The following SYT5 variants were observed in gnomAD, a reference collection of about 807,000 sequenced individuals.
The protein encoded by SYT5 is synaptotagmin 5, also known as synaptotagmin-5.
Under a neutral mutation model 36.0 loss-of-function variants are expected in SYT5, and 29 were observed. That is an observed-to-expected ratio of 0.81 (90% CI 0.60 to 1.10). The LOEUF (loss-of-function observed/expected upper bound fraction) is 1.10. Ranked by LOEUF, SYT5 falls within the 50% of genes least tolerant of loss-of-function variation. The pLI, the probability that SYT5 is intolerant of heterozygous loss-of-function variation, is 0.00. For synonymous variants in SYT5, 231 were observed against 227.6 expected (o/e 1.02, Z -0.14); for missense variants, 512 against 516.0 (o/e 0.99, Z 0.08).
intron 2 of SYT5, among the ~76,000 whole-genome samples, chr19:55,178,753 A>ATTTTTTTTTTTTTTTTTTTTTTT (rs5828614): frequency 2.0e-5 from 1 of 50,472 alleles, no homozygotes; most frequent in African/African-American, 9.7e-5. Context: ...TCCGGTTTCG[A>ATTTTTTTTTTTTTTTTTTTTTTT]TTTTTTTTTT....
Position 55,173,942 on chromosome 19 carries a change from G to A in SYT5, c.961-258C>T. On this transcript the variant is annotated intron_variant, in intron 8 of 8. Transcript: ENST00000354308. This position sits in a 1 kb window ranked among gnomAD's most constrained non-coding sequence, Gnocchi z 5.4. ...CAGGACTCGGTTGCGGAGCGGGTGT[G>A]TTCGGCGCCTCCTGGGGGAGCAGCC... is the stretch of plus-strand genomic sequence containing the variant. 2.5e-6 allele frequency: 1 copy of A among 396,994 alleles called. No individual in the cohort carries two copies. Among genetic ancestry groups the A allele is most frequent in the Non-Finnish European group, 4.4e-6 (1 of 226,826 alleles). The allele number at this position is 396,994 out of a possible 1,614,324, so 24.6% of individuals were successfully genotyped here. A position where few individuals can be genotyped will look rare whatever the true frequency, so the allele number is the denominator to read the frequency against.
Position 55,175,878 on chromosome 19 carries a change from T to C in SYT5, c.373-2A>G, listed in dbSNP as rs758124732. On this transcript the variant is annotated splice_acceptor_variant, in intron 4 of 8. Coordinates refer to ENST00000354308, the MANE Select transcript of SYT5 (RefSeq NM_003180.3). LOFTEE classifies it high-confidence loss of function. The surrounding 1 kb of genome is among the most constrained non-coding windows in gnomAD (Gnocchi z 4.5). ...TGCTTGCAGAATGCCCACCAGCAGCTGCAGGGCCCAGGCACAGTGGGGGAG... is the reference window on the plus strand; with the variant it reads ...TGCTTGCAGAATGCCCACCAGCAGCCGCAGGGCCCAGGCACAGTGGGGGAG... 1 of 1,614,104 alleles carries C rather than the reference T, an allele frequency of 6.2e-7. No homozygotes were observed. Among genetic ancestry groups the C allele is most frequent in the Non-Finnish European group, 8.5e-7 (1 of 1,180,010 alleles).
At position 55,175,490 on chromosome 19, in the gene SYT5, GA is replaced by G; in HGVS notation, c.541-152del. ...ATGGGAAAGTCCAGGGATCCATGCG[GA>G]AAAAAATCACGGGTCAGTGGAACCC... On this transcript the variant is annotated intron_variant, in intron 5 of 8. Transcript: ENST00000354308. This position sits in a 1 kb window ranked among gnomAD's most constrained non-coding sequence, Gnocchi z 4.5. 5.3e-6 allele frequency: 6 copies of G among 1,132,366 alleles called. No homozygotes were observed. Among genetic ancestry groups the G allele is most frequent in the Non-Finnish European group, 6.1e-6 (5 of 820,012 alleles). The allele number at this position is 1,132,366 out of a possible 1,614,324, so 70.1% of individuals were successfully genotyped here. A position where few individuals can be genotyped will look rare whatever the true frequency, so the allele number is the denominator to read the frequency against.
rs1241682279 is a variant in SYT5 at position 55,171,942 on chromosome 19, A to G, written c.*1542T>C. 6.6e-6 allele frequency: 1 copy of G among 152,028 alleles called. No individual in the cohort carries two copies. Among genetic ancestry groups the G allele is most frequent in the Non-Finnish European group, 1.5e-5 (1 of 68,064 alleles). 9.4% of individuals were successfully genotyped at this position (152,028 alleles called of 1,614,324 possible). A position where few individuals can be genotyped will look rare whatever the true frequency, so the allele number is the denominator to read the frequency against. On this transcript the variant is annotated 3_prime_UTR_variant, in exon 9 of 9. Coordinates refer to ENST00000354308, the MANE Select transcript of SYT5 (RefSeq NM_003180.3). Reference sequence around the variant, plus strand: ...CCCCACCGCACTCCAGCCAGGGTACACAGAGAAACCCTGTCAAAAAAAGAA... The same window carrying G: ...CCCCACCGCACTCCAGCCAGGGTACGCAGAGAAACCCTGTCAAAAAAAGAA...
At chr19:55,178,806 AC>A (rs1000832513) in intron 2 of SYT5, among the ~76,000 whole-genome samples, 156 bp downstream of exon 2, 1 of 78,520 alleles carries the variant, frequency 1.3e-5, no homozygotes, top group Non-Finnish European at 2.2e-5. Context: ...CCTTCCTTTT[AC>A]CCCATTTCGT....
rs2071572 is a variant in SYT5 at position 55,174,862 on chromosome 19, C to T, written c.826+20G>A. ...CCCCACGCCATCCCCACACACCCCACTCCCTTGCTTCCCACACACCTGACA... is the reference window on the plus strand; with the variant it reads ...CCCCACGCCATCCCCACACACCCCATTCCCTTGCTTCCCACACACCTGACA... On this transcript the variant is annotated intron_variant, in intron 7 of 8. Transcript: ENST00000354308. 0.055 allele frequency: 87,855 copies of T among 1,611,602 alleles called. 7,490 individuals are homozygous for T. Among genetic ancestry groups the T allele is most frequent in the Admixed American group, 0.35 (20,718 of 59,974 alleles).
rs1013136421 is a variant in SYT5 at position 55,172,505 on chromosome 19, C to T, written c.*979G>A. 1 of 148,782 alleles carries T rather than the reference C, an allele frequency of 6.7e-6. No individual in the cohort carries two copies. The highest frequency in any genetic ancestry group is 2.5e-5 in the African/African-American group (1 of 40,482). The allele number at this position is 148,782 out of a possible 1,614,324, so 9.2% of individuals were successfully genotyped here. ...AAGAAAAGGAAAGACAGAAAGAAAA[C>T]AAAAAGGAAAAAAGAAAAGAAAAAA... On this transcript the variant is annotated 3_prime_UTR_variant, in exon 9 of 9. Coordinates refer to ENST00000354308, the MANE Select transcript of SYT5 (RefSeq NM_003180.3).
At position 55,179,242 on chromosome 19, in the gene SYT5, A is replaced by T; in HGVS notation, c.-45-156T>A. On this transcript the variant is annotated intron_variant, in intron 1 of 8. Coordinates refer to ENST00000354308, the MANE Select transcript of SYT5 (RefSeq NM_003180.3). The surrounding 1 kb of genome is among the most constrained non-coding windows in gnomAD (Gnocchi z 4.5). ...TAGTATCAGCCTCCCCGCACTTGAGAGGGGGTGTCCAGGACCTAGTTCCAT... is the reference window on the plus strand; with the variant it reads ...TAGTATCAGCCTCCCCGCACTTGAGTGGGGGTGTCCAGGACCTAGTTCCAT... 6.7e-7 allele frequency: 1 copy of T among 1,489,152 alleles called. No homozygotes were observed. The highest frequency in any genetic ancestry group is 2.6e-5 in the East Asian group (1 of 38,942). The allele number at this position is 1,489,152 out of a possible 1,614,324, so 92.2% of individuals were successfully genotyped here. A position where few individuals can be genotyped will look rare whatever the true frequency, so the allele number is the denominator to read the frequency against.
In SYT5 at chr19:55,171,520, C is replaced by T. The variant is rs2086005808; in HGVS notation, c.*1964G>A. On this transcript the variant is annotated 3_prime_UTR_variant, in exon 9 of 9. Transcript: ENST00000354308. ...TGGTACGTGGGGGTAATTTTTGCCT[C>T]ATTCTCCACTTAATCTGCTGCTCAG... 1 of 152,176 alleles carries T rather than the reference C, an allele frequency of 6.6e-6. No homozygotes were observed. Among genetic ancestry groups the T allele is most frequent in the Non-Finnish European group, 1.5e-5 (1 of 68,040 alleles). The allele number at this position is 152,176 out of a possible 1,614,324, so 9.4% of individuals were successfully genotyped here. A position where few individuals can be genotyped will look rare whatever the true frequency, so the allele number is the denominator to read the frequency against.
In SYT5 at chr19:55,175,913, A is replaced by G. The variant is rs781595424; in HGVS notation, c.373-37T>C. 5.0e-6 allele frequency: 8 copies of G among 1,613,612 alleles called. No individual in the cohort carries two copies. In the South Asian group the frequency reaches 8.8e-5, roughly 18 times the overall value. On this transcript the variant is annotated intron_variant, in intron 4 of 8. Coordinates refer to ENST00000354308, the MANE Select transcript of SYT5 (RefSeq NM_003180.3). This position sits in a 1 kb window ranked among gnomAD's most constrained non-coding sequence, Gnocchi z 4.5. Reference sequence around the variant, plus strand: ...AGGCACAGTGGGGGAGGTGGGGAACACTAGTCTTAGCCTCCCTTCCATGGC... The same window carrying G: ...AGGCACAGTGGGGGAGGTGGGGAACGCTAGTCTTAGCCTCCCTTCCATGGC...
chr19:55,178,093 G>T, intron 3 of SYT5, 103 bp downstream of exon 3: 1 of 1,329,568 alleles, frequency 7.5e-7, no homozygotes, highest in Non-Finnish European at 1.0e-6. Context: ...CAGTAAGGTG[G>T]GTTCCTATAG....
At position 55,173,928 on chromosome 19, in the gene SYT5, T is replaced by G. The variant is rs1220412113; in HGVS notation, c.961-244A>C. 7.3e-6 allele frequency: 3 copies of G among 413,458 alleles called. No homozygotes were observed. The highest frequency in any genetic ancestry group is 1.1e-4 in the South Asian group (1 of 9,456). The allele number at this position is 413,458 out of a possible 1,614,324, so 25.6% of individuals were successfully genotyped here. On this transcript the variant is annotated intron_variant, in intron 8 of 8. Transcript: ENST00000354308. This position sits in a 1 kb window ranked among gnomAD's most constrained non-coding sequence, Gnocchi z 5.4. ...AGGAAATGAACCCTCAGGACTCGGT[T>G]GCGGAGCGGGTGTGTTCGGCGCCTC...
rs2086017712 is a variant in SYT5 at position 55,172,646 on chromosome 19, T to C, written c.*838A>G. The C allele has an allele frequency of 6.6e-6, 1 of 151,866 alleles. No individual in the cohort carries two copies. Among genetic ancestry groups the C allele is most frequent in the Admixed American group, 6.6e-5 (1 of 15,242 alleles). 9.4% of individuals were successfully genotyped at this position (151,866 alleles called of 1,614,324 possible). On this transcript the variant is annotated 3_prime_UTR_variant, in exon 9 of 9. Transcript: ENST00000354308. ...TCTCCTTTGTTTTGATGGCAGTAAG[T>C]CGCTTGGGGGGTCAGGTCTGTGTTT...
chr19:55,175,419 T>A lies in SYT5; in HGVS notation c.541-80A>T. 1.4e-6 allele frequency: 2 copies of A among 1,409,266 alleles called. No individual in the cohort carries two copies. The highest frequency in any genetic ancestry group is 1.9e-6 in the Non-Finnish European group (2 of 1,063,496). The allele number at this position is 1,409,266 out of a possible 1,614,324, so 87.3% of individuals were successfully genotyped here. ...GCACAGCACAACCAGAAGGAAGGCA[T>A]GGAGTGAGGCAGCGAGGGTCGAAGC... On this transcript the variant is annotated intron_variant, in intron 5 of 8. Coordinates refer to ENST00000354308, the MANE Select transcript of SYT5 (RefSeq NM_003180.3). The surrounding 1 kb of genome is among the most constrained non-coding windows in gnomAD (Gnocchi z 4.5).
Position 55,175,750 on chromosome 19 carries a change from G to A in SYT5, c.499C>T (p.Gln167Ter). The A allele has an allele frequency of 6.2e-7, 1 of 1,614,108 alleles. No individual in the cohort carries two copies. Among genetic ancestry groups the A allele is most frequent in the Non-Finnish European group, 8.5e-7 (1 of 1,180,032 alleles). ...TCCCCAAAGTGAGGGTTCAGCGTCTGCCGATGCACCTTGGTCTCGTACCGC... is the reference window on the plus strand; with the variant it reads ...TCCCCAAAGTGAGGGTTCAGCGTCTACCGATGCACCTTGGTCTCGTACCGC... ...RRRYETKVHR[Q>*]TLNPHFGETF... The change falls in exon 5 of 9, where the codon CAG becomes TAG. Residue 167 changes from glutamine to a stop codon, truncating the protein, a stop_gained. Transcript: ENST00000354308. LOFTEE classifies it high-confidence loss of function. This position sits in a 1 kb window ranked among gnomAD's most constrained non-coding sequence, Gnocchi z 4.5.
In SYT5 at chr19:55,179,003, G is replaced by A. The variant is rs766784603; in HGVS notation, c.39C>T (p.Pro13=). 7 of 1,595,080 alleles carry A rather than the reference G, an allele frequency of 4.4e-6. No individual in the cohort carries two copies. The South Asian group carries it at 6.8e-5, about 15-fold the overall frequency. ...PEPPTPGPPS[P]DTPPDSSRIS... Reference sequence around the variant, plus strand: ...TGCGACTGGAGTCGGGAGGCGTGTCGGGCGATGGAGGCCCCGGGGTTGGGG... The same window carrying A: ...TGCGACTGGAGTCGGGAGGCGTGTCAGGCGATGGAGGCCCCGGGGTTGGGG... The change falls in exon 2 of 9, where the codon CCC becomes CCT. Residue 13 remains proline (P), a synonymous_variant. Coordinates refer to ENST00000354308, the MANE Select transcript of SYT5 (RefSeq NM_003180.3). This position sits in a 1 kb window ranked among gnomAD's most constrained non-coding sequence, Gnocchi z 4.5.
rs1172140120 is a variant in SYT5 at position 55,174,924 on chromosome 19, C to T, written c.784G>A (p.Glu262Lys). The change falls in exon 7 of 9, where the codon GAG (glutamate) becomes AAG (lysine). Residue 262 changes from glutamate (E) to lysine (K), a missense_variant. Transcript: ENST00000354308. ...TCCATCTTCTTCAGGTTTTTAGCCT[C>T]CAGGACGATGACGGTGAGCTTCCCG... Reference protein sequence around the residue: ...TAGKLTVIVLEAKNLKKMDVG... With the variant: ...TAGKLTVIVLKAKNLKKMDVG... The T allele has an allele frequency of 6.2e-7, 1 of 1,614,076 alleles. No individual in the cohort carries two copies. Among genetic ancestry groups the T allele is most frequent in the African/African-American group, 1.3e-5 (1 of 74,938 alleles).
At chr19:55,174,433 G>A (rs2086046665) in intron 8 of SYT5, 84 bp downstream of exon 8, 2 of 1,539,088 alleles carry the variant, frequency 1.3e-6, no homozygotes, top group Non-Finnish European at 8.8e-7. Flanking sequence ...TGGTTTCTAG[G>A]GAGATGCTAA....
In SYT5 at chr19:55,175,328, C is replaced by G. The variant is rs755660691; in HGVS notation, c.552G>C (p.Val184=). The G allele has an allele frequency of 1.3e-6, 2 of 1,540,768 alleles. No homozygotes were observed. Among genetic ancestry groups the G allele is most frequent in the Admixed American group, 4.1e-5 (2 of 48,278 alleles). ...GETFAFKVPY[V]ELGGRVLVMA... ...TGACCAGCACCCTGCCCCCCAGCTC[C>G]ACGTAGGGGACCTGGAGTGCACAGA... Residue 184 remains valine, a synonymous_variant, in exon 6 of 9, where the codon GTG becomes GTC. Coordinates refer to ENST00000354308, the MANE Select transcript of SYT5 (RefSeq NM_003180.3). This position sits in a 1 kb window ranked among gnomAD's most constrained non-coding sequence, Gnocchi z 4.5.
Sources: gnomAD v4.1 joint callset for allele counts (sites outside exome capture counted in the v4.1 genomes callset) on GRCh38, gnomAD v4.1.1 for gene constraint, Gnocchi (gnomAD v3.1) non-coding constraint, MANE v1.5 for transcripts, NCBI Gene and HGNC (gene_info 2026-07-23, HGNC 2026-07-21) for gene names.